Variants in CCDC33 observed in about 807,000 individuals in gnomAD.
The protein encoded by CCDC33 is coiled-coil domain-containing protein 33.
In CCDC33, 94 loss-of-function variants were observed where a neutral mutation model predicts 91.9. The ratio of observed to expected loss-of-function variants is 1.02; its 90% CI spans 0.87 to 1.21. The LOEUF (loss-of-function observed/expected upper bound fraction) is 1.21. CCDC33 is among the 50% of genes most tolerant of loss of function. The probability of loss-of-function intolerance (pLI) is 0.00; values close to 1 mark genes in which losing one functional copy is unlikely to be tolerated. For missense variants in CCDC33, 940 were observed against 935.5 expected (o/e 1.00, Z -0.06); for synonymous variants, 396 against 374.5 (o/e 1.06, Z -0.66).
In CCDC33 at chr15:74,330,647, C is replaced by G; in HGVS notation, c.1457-16C>G. Reference sequence around the variant, plus strand: ...GAGGCTTCCTCCCTGAGCCAGCTCCCCAACCCACCTAACAGTGTCCATGAA... The same window carrying G: ...GAGGCTTCCTCCCTGAGCCAGCTCCGCAACCCACCTAACAGTGTCCATGAA... On this transcript the variant is annotated splice_polypyrimidine_tract_variant and intron_variant, in intron 12 of 18. Transcript: ENST00000398814. The G allele has an allele frequency of 6.2e-7, 1 of 1,608,266 alleles. No individual in the cohort carries two copies. The highest frequency in any genetic ancestry group is 8.5e-7 in the Non-Finnish European group (1 of 1,175,746).
intron 1 of CCDC33, among the ~76,000 whole-genome samples, chr15:74,243,579 G>T (rs1030098295): frequency 9.9e-5 from 15 of 152,214 alleles, no homozygotes; most frequent in African/African-American, 7.2e-5. Context: ...GGGCGGAAGG[G>T]TGACAGAGGG....
chr15:74,240,190 C>T (rs2075302867), intron 1 of CCDC33, among the ~76,000 whole-genome samples: 1 of 152,246 alleles, frequency 6.6e-6, no homozygotes, highest in Non-Finnish European at 1.5e-5. Flanking sequence ...CAATAGTTCT[C>T]GCCAAACTTC....
In CCDC33 at chr15:74,230,660, C is replaced by T. The variant is rs1411135259; in HGVS notation, c.675+11799C>T. On this transcript the variant is annotated intron_variant, in intron 2 of 2. Transcript: ENST00000635913. Reference sequence around the variant, plus strand: ...CACTCTACTCGTCACCCCCAAGTCTCCTGTTGCCAAAGCTTGGGCCAGAGG... The same window carrying T: ...CACTCTACTCGTCACCCCCAAGTCTTCTGTTGCCAAAGCTTGGGCCAGAGG... 3.9e-5 allele frequency among the ~76,000 whole-genome samples: 6 copies of T among 152,298 alleles called. No individual in the cohort carries two copies. The East Asian group carries it at 7.7e-4, about 20-fold the overall frequency.
intron 11 of CCDC33, among the ~76,000 whole-genome samples, chr15:74,317,895 T>TG (rs1387979649): frequency 1.1e-4 from 4 of 35,700 alleles, no homozygotes; most frequent in African/African-American, 2.3e-4. Context: ...TTGTTTTTTT[T>TG]TTTTTTTTTT....
chr15:74,333,453 C>T, intron 16 of CCDC33: 2 of 725,906 alleles, frequency 2.8e-6, no homozygotes, highest in Admixed American at 4.7e-5. Context: ...GGCAGGGGCA[C>T]AGGAGAGTTT....
At position 74,331,309 on chromosome 15, in the gene CCDC33, C is replaced by A; in HGVS notation, c.1771+13C>A. On this transcript the variant is annotated intron_variant, in intron 15 of 18. Transcript: ENST00000398814. ...AAGCCCTACACGGGTGGGTCCACAC[C>A]CTGATGTGATCAGCTCCCCAGCTTC... 6.2e-7 allele frequency: 1 copy of A among 1,613,042 alleles called. No individual in the cohort carries two copies. Among genetic ancestry groups the A allele is most frequent in the Admixed American group, 1.7e-5 (1 of 59,960 alleles).
Position 74,218,947 on chromosome 15 carries a change from C to CCTGAG in CCDC33, c.675+98_675+102dup. On this transcript the variant is annotated intron_variant, in intron 2 of 2. Transcript: ENST00000635913. The surrounding 1 kb of genome is among the most constrained non-coding windows in gnomAD (Gnocchi z 4.8). ...CGTGATAAGCCAGGCTACCCCCTGTCCTGAGCTGAGCTGAGCAGAGCAGCA... is the reference window on the plus strand; with the variant it reads ...CGTGATAAGCCAGGCTACCCCCTGTCCTGAGCTGAGCTGAGCTGAGCAGAGCAGCA... 3 of 1,177,212 alleles carry CCTGAG rather than the reference C, an allele frequency of 2.5e-6. No individual in the cohort carries two copies. The highest frequency in any genetic ancestry group is 3.9e-4 in the Middle Eastern group (1 of 2,572). 72.9% of individuals were successfully genotyped at this position (1,177,212 alleles called of 1,614,324 possible). A position where few individuals can be genotyped will look rare whatever the true frequency, so the allele number is the denominator to read the frequency against.
intron 1 of CCDC33, among the ~76,000 whole-genome samples, chr15:74,206,402 G>A (rs980636246): frequency 2.6e-5 from 4 of 152,174 alleles, no homozygotes; most frequent in Non-Finnish European, 4.4e-5. Context: ...TGGGAGGCTC[G>A]GCTCTGAGCT....
intron 11 of CCDC33, among the ~76,000 whole-genome samples, chr15:74,313,766 T>C (rs778656751): frequency 6.6e-6 from 1 of 152,170 alleles, no homozygotes; most frequent in Non-Finnish European, 1.5e-5. Context: ...GGGTCCTGCA[T>C]AGCACATTGG....
chr15:74,299,695 A>T (rs1020435693), intron 11 of CCDC33: 3 of 152,178 alleles, frequency 2.0e-5, no homozygotes, highest in African/African-American at 7.2e-5. Context: ...TCCCCCAGAG[A>T]CTCATAGAGT....
chr15:74,319,281 G>C (rs895572558), intron 11 of CCDC33, among the ~76,000 whole-genome samples: 2 of 152,240 alleles, frequency 1.3e-5, no homozygotes, highest in Admixed American at 1.3e-4. Flanking sequence ...GCCTCGCTTC[G>C]GGTCGTTCGA....
At chr15:74,270,258 G>A (rs1024657774) in intron 5 of CCDC33, among the ~76,000 whole-genome samples, 1 of 152,206 alleles carries the variant, frequency 6.6e-6, no homozygotes, top group Non-Finnish European at 1.5e-5. Flanking sequence ...AAGGGAGAAT[G>A]ATCCAGAACA....
intron 11 of CCDC33, among the ~76,000 whole-genome samples, chr15:74,296,487 G>A (rs1381947968): frequency 2.0e-5 from 3 of 152,118 alleles, no homozygotes; most frequent in Non-Finnish European, 2.9e-5. Flanking sequence ...TTAGCCAGAC[G>A]TGGTGGTGCA....
At chr15:74,232,393 C>T (rs2075006957), upstream of CCDC33, among the ~76,000 whole-genome samples, 1 of 152,196 alleles carries the variant, frequency 6.6e-6, no homozygotes, top group Non-Finnish European at 1.5e-5. Flanking sequence ...GAGAAGCCTT[C>T]CCTGACTCCT....
chr15:74,219,667 A>G (rs1043563676), intron 2 of CCDC33, among the ~76,000 whole-genome samples: 6 of 152,166 alleles, frequency 3.9e-5, no homozygotes, highest in African/African-American at 1.4e-4. Context: ...GCTTCTTGGA[A>G]GAGGGTTTAT....
At chr15:74,249,859 C>A (rs2075650866) in intron 2 of CCDC33, among the ~76,000 whole-genome samples, 1 of 152,152 alleles carries the variant, frequency 6.6e-6, no homozygotes. Context: ...GAGGCAGCAG[C>A]CCCTCCAGAC....
In CCDC33 at chr15:74,236,510, C is replaced by G; in HGVS notation, c.-210C>G. On this transcript the variant is annotated 5_prime_UTR_variant, in exon 1 of 19. Coordinates refer to ENST00000398814, the MANE Select transcript of CCDC33 (RefSeq NM_025055.5). ...AGATCCAGGACCTGCTCCCACCTGG[C>G]CACCCTCCCCCTCCCCCCACATCCA... 3.7e-5 allele frequency: 12 copies of G among 322,180 alleles called. No homozygotes were observed. Among genetic ancestry groups the G allele is most frequent in the East Asian group, 1.9e-4 (3 of 15,860 alleles). The allele number at this position is 322,180 out of a possible 1,614,324, so 20.0% of individuals were successfully genotyped here.
chr15:74,211,393 C>CTTT (rs34963230), intron 2 of CCDC33, among the ~76,000 whole-genome samples: 260 of 73,890 alleles, frequency 3.5e-3, no homozygotes, highest in East Asian at 0.01. Flanking sequence ...CTGCCCCTGG[C>CTTT]TTTTTTTTTT....
rs557196110 is a variant in CCDC33, at chr15:74,209,422, C to A, written n.124C>A. ...GCCTGATGAATTGCCAGAGGGGAAC[C>A]ACCAGCTCGGCTCTTAATAACCGGA... On this transcript the variant is annotated non_coding_transcript_exon_variant, in exon 2 of 4. Coordinates refer to the CCDC33 transcript ENST00000558645. 1.2e-5 allele frequency: 19 copies of A among 1,535,624 alleles called. No individual in the cohort carries two copies. In the African/African-American group the frequency reaches 2.3e-4, roughly 19 times the overall value.
Sources: gnomAD v4.1 joint callset for allele counts (sites outside exome capture counted in the v4.1 genomes callset) on GRCh38, gnomAD v4.1.1 for gene constraint, Gnocchi (gnomAD v3.1) non-coding constraint, MANE v1.5 for transcripts, NCBI Gene and HGNC (gene_info 2026-07-23, HGNC 2026-07-21) for gene names.